Variants in FGF12 observed in about 807,000 individuals in gnomAD.
The protein encoded by FGF12 is fibroblast growth factor 12B.
FGF12 carries 14 observed loss-of-function variants against 23.6 expected under a neutral mutation model. The ratio of observed to expected loss-of-function variants is 0.59; its 90% CI spans 0.39 to 0.93. FGF12 has a LOEUF of 0.93. Among genes scored for constraint, FGF12 ranks in the 40% least tolerant of loss-of-function variants. The probability of loss-of-function intolerance (pLI) is 0.00; values close to 1 mark genes in which losing one functional copy is unlikely to be tolerated. For missense variants in FGF12, 175 were observed against 217.8 expected (o/e 0.80, Z 1.24); for synonymous variants, 62 against 77.3 (o/e 0.80, Z 1.04).
At chr3:192,679,321 G>T (rs1051423369) in intron 2 of FGF12, among the ~76,000 whole-genome samples, 1 of 152,210 alleles carries the variant, frequency 6.6e-6, no homozygotes, top group Non-Finnish European at 1.5e-5. Flanking sequence ...GATCTAGCCA[G>T]GCATGGTGGT....
intron 2 of FGF12, among the ~76,000 whole-genome samples, chr3:192,388,839 T>C (rs1720167307): frequency 6.6e-6 from 1 of 151,850 alleles, no homozygotes; most frequent in Admixed American, 6.6e-5. Flanking sequence ...AAATGAAACA[T>C]ATGGAAAAGA....
intron 3 of FGF12, among the ~76,000 whole-genome samples, chr3:192,338,816 T>A (rs972860577): frequency 6.6e-6 from 1 of 152,180 alleles, no homozygotes; most frequent in African/African-American, 2.4e-5. Flanking sequence ...GAAAGCAGAA[T>A]TAATATGCAA....
At chr3:192,293,621 G>A (rs1714878896) in intron 4 of FGF12, among the ~76,000 whole-genome samples, 1 of 152,126 alleles carries the variant, frequency 6.6e-6, no homozygotes, top group Non-Finnish European at 1.5e-5. Flanking sequence ...CAGGAATGTA[G>A]CACTGACTGC....
chr3:192,218,026 G>A (rs1361021400), intron 4 of FGF12, among the ~76,000 whole-genome samples: 6 of 151,962 alleles, frequency 3.9e-5, no homozygotes, highest in African/African-American at 1.4e-4. Context: ...TAGTAGAGAT[G>A]TGGTTTCTCC....
At chr3:192,567,346 T>C (rs1403417393) in intron 2 of FGF12, among the ~76,000 whole-genome samples, 1 of 151,784 alleles carries the variant, frequency 6.6e-6, no homozygotes, top group African/African-American at 2.4e-5. Flanking sequence ...CTCACCGAAG[T>C]TGGAGAAAAA....
At chr3:192,628,747 A>G (rs1715276196) in intron 2 of FGF12, among the ~76,000 whole-genome samples, 1 of 150,410 alleles carries the variant, frequency 6.6e-6, no homozygotes, top group South Asian at 2.1e-4. Flanking sequence ...ATATATACAT[A>G]AATATATACT....
At chr3:192,459,026 A>G (rs1722773163) in intron 2 of FGF12, among the ~76,000 whole-genome samples, 1 of 152,184 alleles carries the variant, frequency 6.6e-6, no homozygotes, top group African/African-American at 2.4e-5. Flanking sequence ...ACCACCATGT[A>G]AGAAGTGCCT....
rs11928749 is a variant in FGF12, at chr3:192,286,123, A to T, written c.228+49238T>A. On this transcript the variant is annotated intron_variant, in intron 4 of 5. Transcript: ENST00000445105. ...AACTGAACCTTGAAGTAACAGACATACTTTTGCTACAATATGAACTTTAAA... is the reference window on the plus strand; with the variant it reads ...AACTGAACCTTGAAGTAACAGACATTCTTTTGCTACAATATGAACTTTAAA... Among the ~76,000 whole-genome samples, 1,479 of 152,124 alleles carry T rather than the reference A, an allele frequency of 9.7e-3. 23 individuals are homozygous for T. Among genetic ancestry groups the T allele is most frequent in the African/African-American group, 0.034 (1,429 of 41,540 alleles).
At chr3:192,492,127 T>C (rs1325830221) in intron 2 of FGF12, among the ~76,000 whole-genome samples, 3 of 152,208 alleles carry the variant, frequency 2.0e-5, no homozygotes, top group Non-Finnish European at 4.4e-5. Context: ...AAAAACTTTA[T>C]AAAGGACACT....
intron 2 of FGF12, among the ~76,000 whole-genome samples, chr3:192,621,072 A>G (rs1922910): frequency 0.77 from 117,019 of 152,076 alleles, 45,929 homozygotes; most frequent in African/African-American, 0.94. Flanking sequence ...CCTCAACCTT[A>G]CATTCTCTTC....
chr3:192,588,093 C>T (rs1348028498), intron 2 of FGF12, among the ~76,000 whole-genome samples: 1 of 151,408 alleles, frequency 6.6e-6, no homozygotes, highest in Non-Finnish European at 1.5e-5. Flanking sequence ...CGCCTGTAAT[C>T]GCAGCACTTT....
At chr3:192,165,859 G>C (rs1560174756) in intron 5 of FGF12, among the ~76,000 whole-genome samples, 1 of 152,176 alleles carries the variant, frequency 6.6e-6, no homozygotes, top group African/African-American at 2.4e-5. Context: ...TGCAACCCCA[G>C]TTCTGTATTT....
At chr3:192,373,302 A>G (rs1455797362) in intron 2 of FGF12, among the ~76,000 whole-genome samples, 5 of 128,456 alleles carry the variant, frequency 3.9e-5, no homozygotes, top group African/African-American at 1.6e-4. Context: ...TTTTTTTTTC[A>G]GTGACCTAGT....
chr3:192,689,940 C>T (rs972103408), intron 2 of FGF12, among the ~76,000 whole-genome samples: 3 of 151,734 alleles, frequency 2.0e-5, no homozygotes, highest in Non-Finnish European at 4.4e-5. Flanking sequence ...AAGTGAATAC[C>T]AATAAGGCCA....
At chr3:192,343,225 T>C (rs572908656) in intron 3 of FGF12, among the ~76,000 whole-genome samples, 3 of 152,276 alleles carry the variant, frequency 2.0e-5, no homozygotes, top group African/African-American at 7.2e-5. Flanking sequence ...TAAAAACCCA[T>C]GTGGAACATA....
chr3:192,336,941 G>A lies in FGF12; in HGVS notation c.125-1477C>T, dbSNP rs1444152031. 6.6e-6 allele frequency among the ~76,000 whole-genome samples: 1 copy of A among 152,076 alleles called. No homozygotes were observed. The highest frequency in any genetic ancestry group is 2.1e-4 in the South Asian group (1 of 4,830). On this transcript the variant is annotated intron_variant, in intron 3 of 5. Coordinates refer to ENST00000445105, the MANE Select transcript of FGF12 (RefSeq NM_004113.6). The surrounding 1 kb of genome is among the most constrained non-coding windows in gnomAD (Gnocchi z 4.3). ...ATCGGATCAGTCCTTTTGCCTCTTT[G>A]AATCCATTTCCACATTTTTTACGAA...
At chr3:192,589,791 C>T (rs1172488419) in intron 2 of FGF12, among the ~76,000 whole-genome samples, 4 of 151,850 alleles carry the variant, frequency 2.6e-5, no homozygotes, top group Admixed American at 1.3e-4. Flanking sequence ...GTGACTGATG[C>T]TCGGAGGACA....
chr3:192,461,705 T>A (rs1158794197), intron 2 of FGF12, among the ~76,000 whole-genome samples: 2 of 152,134 alleles, frequency 1.3e-5, no homozygotes. Flanking sequence ...TCATTATTAC[T>A]TGGCCAGGCA....
chr3:192,483,110 C>T (rs1179819491), intron 2 of FGF12, among the ~76,000 whole-genome samples: 1 of 152,182 alleles, frequency 6.6e-6, no homozygotes, highest in African/African-American at 2.4e-5. Flanking sequence ...CATTCCTAGA[C>T]ACCTCATTCT....
Sources: gnomAD v4.1 joint callset for allele counts (sites outside exome capture counted in the v4.1 genomes callset) on GRCh38, gnomAD v4.1.1 for gene constraint, Gnocchi (gnomAD v3.1) non-coding constraint, MANE v1.5 for transcripts, NCBI Gene and HGNC (gene_info 2026-07-23, HGNC 2026-07-21) for gene names.